Variants in RBFOX2 observed in about 807,000 individuals in gnomAD.
RBFOX2 encodes RNA binding fox-1 homolog 2, also known as RNA binding protein fox-1 homolog 2.
RBFOX2 carries 10 observed loss-of-function variants against 49.1 expected under a neutral mutation model. The ratio of observed to expected loss-of-function variants is 0.20; its 90% CI spans 0.13 to 0.35. The LOEUF is 0.35. RBFOX2 is among the 10% of genes least tolerant of loss of function. The pLI is 1.00. For missense variants in RBFOX2, 323 were observed against 486.9 expected, an observed-to-expected ratio of 0.66 and a Z score of 3.17; for synonymous variants, 183 against 187.4, an observed-to-expected ratio of 0.98 and a Z score of 0.19.
intron 1 of RBFOX2, among the ~76,000 whole-genome samples, chr22:35,969,706 A>G (rs1363741167): frequency 2.0e-5 from 3 of 152,220 alleles, no homozygotes; most frequent in African/African-American, 7.2e-5. Context: ...AAAATGGGAC[A>G]AGGATGACAA....
intron 1 of RBFOX2, among the ~76,000 whole-genome samples, chr22:35,980,776 A>C (rs959549938): frequency 6.6e-6 from 1 of 152,202 alleles, no homozygotes; most frequent in Non-Finnish European, 1.5e-5. Context: ...GAGAACTTAC[A>C]GTTTAGCAGG....
chr22:35,895,872 T>A (rs571877399), intron 1 of RBFOX2, among the ~76,000 whole-genome samples: 1 of 152,352 alleles, frequency 6.6e-6, no homozygotes, highest in Non-Finnish European at 1.5e-5. Flanking sequence ...CTGGTGACCA[T>A]GTTTTCTAAT....
At chr22:35,753,248 T>C (rs1225756215) in intron 9 of RBFOX2, among the ~76,000 whole-genome samples, 1 of 152,168 alleles carries the variant, frequency 6.6e-6, no homozygotes, top group Non-Finnish European at 1.5e-5. Context: ...AGATGGGAAA[T>C]GTATGGAGAG....
chr22:35,960,780 G>A (rs1490079535), intron 1 of RBFOX2, among the ~76,000 whole-genome samples: 1 of 152,066 alleles, frequency 6.6e-6, no homozygotes, highest in African/African-American at 2.4e-5. Context: ...ACCTAGGTAG[G>A]TATTTTTTTA....
chr22:35,789,539 T>C (rs1207953545), intron 2 of RBFOX2, among the ~76,000 whole-genome samples: 1 of 151,980 alleles, frequency 6.6e-6, no homozygotes. Flanking sequence ...CAAGACTCCA[T>C]CTCAAAAAAA....
intron 1 of RBFOX2, chr22:35,996,964 C>T (rs1347914731): frequency 2.6e-5 from 4 of 152,136 alleles, no homozygotes; most frequent in African/African-American, 9.7e-5. Flanking sequence ...CACCACAAGT[C>T]CAGATACTGT....
At chr22:35,844,371 T>C (rs2040890779), upstream of RBFOX2, among the ~76,000 whole-genome samples, 1 of 152,226 alleles carries the variant, frequency 6.6e-6, no homozygotes, top group African/African-American at 2.4e-5. Flanking sequence ...TCTATTACTC[T>C]AGCCATTTAT....
chr22:35,913,477 TTGTGTGTG>T (rs61402464), intron 1 of RBFOX2, among the ~76,000 whole-genome samples: 8 of 143,422 alleles, frequency 5.6e-5, no homozygotes, highest in African/African-American at 1.3e-4. Context: ...GTTATTTCTA[TTGTGTGTG>T]TGTGTGTGTG....
At chr22:35,955,482 A>G (rs746128502) in intron 1 of RBFOX2, among the ~76,000 whole-genome samples, 15 of 151,632 alleles carry the variant, frequency 9.9e-5, no homozygotes, top group Non-Finnish European at 8.8e-5. Context: ...CCAACTTAAT[A>G]GAACAGTGGT....
At chr22:35,834,965 T>C (rs967340817) in intron 1 of RBFOX2, among the ~76,000 whole-genome samples, 2 of 152,076 alleles carry the variant, frequency 1.3e-5, no homozygotes, top group Admixed American at 6.6e-5. Flanking sequence ...CTAATAGTAA[T>C]AGAGAAACAT....
At chr22:35,754,693 C>T (rs1012678576) in intron 9 of RBFOX2, among the ~76,000 whole-genome samples, 1 of 151,956 alleles carries the variant, frequency 6.6e-6, no homozygotes, top group Non-Finnish European at 1.5e-5. Context: ...TCACTGTGAA[C>T]ATAGGAAAAA....
At position 35,985,946 on chromosome 22, in the gene RBFOX2, A is replaced by AGATG. The variant is rs1322904312; in HGVS notation, c.186+42293_186+42294insCATC. On this transcript the variant is annotated intron_variant, in intron 1 of 13. Coordinates refer to the RBFOX2 transcript ENST00000438146. ...TAGATAGATAGATAGATAGATAGAT[A>AGATG]GATAGATAGAGTCTTCCTCATAATT... Among the ~76,000 whole-genome samples the AGATG allele has an allele frequency of 2.8e-5, 4 of 140,540 alleles. No homozygotes were observed. The East Asian group carries it at 6.1e-4, about 21-fold the overall frequency. 92.2% of individuals were successfully genotyped at this position (140,540 alleles called of 152,430 possible).
At chr22:35,888,965 G>A (rs2046926477) in intron 1 of RBFOX2, among the ~76,000 whole-genome samples, 1 of 152,082 alleles carries the variant, frequency 6.6e-6, no homozygotes, top group African/African-American at 2.4e-5. Flanking sequence ...GACCAGCCTG[G>A]CCAACATGGT....
intron 1 of RBFOX2, among the ~76,000 whole-genome samples, chr22:35,863,150 C>A (rs1288843662): frequency 6.6e-6 from 1 of 151,994 alleles, no homozygotes; most frequent in African/African-American, 2.4e-5. Context: ...ATTTTTGTAA[C>A]ATATTGTTGT....
upstream of RBFOX2, among the ~76,000 whole-genome samples, chr22:35,966,385 C>T (rs1305134894): frequency 6.6e-6 from 1 of 152,130 alleles, no homozygotes; most frequent in Non-Finnish European, 1.5e-5. Context: ...GGTACACTTA[C>T]GTTGAGCTTT....
At chr22:35,801,749 T>A (rs888493229) in intron 2 of RBFOX2, among the ~76,000 whole-genome samples, 11 of 152,094 alleles carry the variant, frequency 7.2e-5, no homozygotes, top group African/African-American at 2.7e-4. Flanking sequence ...CGCTTGAACC[T>A]GGGAGGCTGA....
At position 35,895,237 on chromosome 22, in the gene RBFOX2, A is replaced by G. The variant is rs187902583; in HGVS notation, c.-34+43610T>C. 2.8e-3 allele frequency among the ~76,000 whole-genome samples: 425 copies of G among 152,300 alleles called. 3 individuals are homozygous for G. Among genetic ancestry groups the G allele is most frequent in the Non-Finnish European group, 3.9e-3 (268 of 68,028 alleles). On this transcript the variant is annotated intron_variant, in intron 1 of 13. Transcript: ENST00000359369. ...ATCACCACTCACAAAGATTATTGCA[A>G]AAGACAGGGATGGGTGGGGTCAGTA...
chr22:35,839,919 A>G (rs1325384596), intron 1 of RBFOX2, among the ~76,000 whole-genome samples: 1 of 152,158 alleles, frequency 6.6e-6, no homozygotes, highest in African/African-American at 2.4e-5. Flanking sequence ...GAGGTAGACA[A>G]ATCCCCACAG....
intron 6 of RBFOX2, among the ~76,000 whole-genome samples, chr22:35,763,222 C>CT (rs1316094783): frequency 6.6e-6 from 1 of 152,098 alleles, no homozygotes; most frequent in Non-Finnish European, 1.5e-5. Flanking sequence ...AAAAAATAAC[C>CT]TTTTTCTTTC....
Sources: allele counts gnomAD v4.1 joint callset (sites outside exome capture counted in the v4.1 genomes callset), GRCh38; gene constraint gnomAD v4.1.1; transcripts MANE v1.5; gene names NCBI Gene and HGNC (gene_info 2026-07-23, HGNC 2026-07-21).